MRTFB: variants seen among roughly 807,000 people sequenced by gnomAD.
The protein encoded by MRTFB is myocardin related transcription factor B, also known as myocardin-related transcription factor B.
A neutral mutation model predicts 104.2 loss-of-function variants in MRTFB; 29 were observed. The observed-to-expected ratio is 0.28, with a 90% CI of 0.21 to 0.38. The LOEUF is 0.38. Among genes scored for constraint, MRTFB ranks in the 10% least tolerant of loss-of-function variants. MRTFB has a pLI of 1.00. For synonymous variants in MRTFB, 535 were observed against 519.5 expected, an observed-to-expected ratio of 1.03 and a Z score of -0.41; for missense variants, 1,270 against 1,341.6, an observed-to-expected ratio of 0.95 and a Z score of 0.83.
rs142976736 is a variant in MRTFB at position 14,081,145 on chromosome 16, C to T, written c.-64+1791C>T. ...GTGTTCAAGGGTTTCTTTGTCTCTA[C>T]ATTTTTGCCAGCATTTGTTACCTTT... On this transcript the variant is annotated intron_variant, in intron 2 of 16. Coordinates refer to ENST00000571589, the MANE Select transcript of MRTFB (RefSeq NM_001308142.2). 2.4e-3 allele frequency among the ~76,000 whole-genome samples: 363 copies of T among 152,308 alleles called. 1 individual carries two copies. The highest frequency in any genetic ancestry group is 8.3e-3 in the African/African-American group (346 of 41,570).
the MRTFB span, among the ~76,000 whole-genome samples, chr16:14,017,647 A>ATG: frequency 5.1e-5 from 3 of 58,918 alleles, no homozygotes; most frequent in Admixed American, 2.2e-4. Context: ...ATATGTATAT[A>ATG]TGTGTGTGTG....
intron 3 of MRTFB, among the ~76,000 whole-genome samples, chr16:14,172,070 A>G (rs2039440716): frequency 6.6e-6 from 1 of 152,154 alleles, no homozygotes; most frequent in South Asian, 2.1e-4. Context: ...TAAGGTTCTG[A>G]AAGTCAAAAA....
intron 3 of MRTFB, among the ~76,000 whole-genome samples, chr16:14,184,470 C>T (rs1012320135): frequency 1.3e-5 from 2 of 152,144 alleles, no homozygotes; most frequent in South Asian, 4.1e-4. Context: ...CATTCGCCCA[C>T]CTCGGCCTAC....
the MRTFB span, among the ~76,000 whole-genome samples, chr16:14,003,664 CCCTCCCTTCCTT>C: frequency 2.5e-5 from 2 of 80,228 alleles, no homozygotes; most frequent in African/African-American, 6.0e-5. Context: ...CTCCCTCCCT[CCCTCCCTTCCTT>C]CCTTCCTTCC....
chr16:14,251,720 G>C, intron 13 of MRTFB, 142 bp from the exon 14 acceptor site: 1 of 804,604 alleles, frequency 1.2e-6, no homozygotes, highest in Non-Finnish European at 1.9e-6. Flanking sequence ...ACAGAGGCCA[G>C]GTGACCCACA....
chr16:14,223,504 G>A (rs2041841958), intron 8 of MRTFB, among the ~76,000 whole-genome samples: 1 of 152,018 alleles, frequency 6.6e-6, no homozygotes, highest in African/African-American at 2.4e-5. Context: ...AACTATATAT[G>A]AACAAACTGA....
At chr16:14,045,461 G>A in the MRTFB span, among the ~76,000 whole-genome samples, 1 of 152,184 alleles carries the variant, frequency 6.6e-6, no homozygotes, top group African/African-American at 2.4e-5. Context: ...CTCAGAGAGT[G>A]AAGCCAGCAG....
the MRTFB span, among the ~76,000 whole-genome samples, chr16:14,000,186 A>G: frequency 6.6e-6 from 1 of 152,250 alleles, no homozygotes; most frequent in Non-Finnish European, 1.5e-5. Flanking sequence ...AAGCGCCTGT[A>G]GCAGCACTCG....
chr16:14,050,371 T>C, the MRTFB span, among the ~76,000 whole-genome samples: 1 of 152,284 alleles, frequency 6.6e-6, no homozygotes, highest in African/African-American at 2.4e-5. Context: ...TCAATTTTTT[T>C]CCTCTTTTTT....
chr16:14,008,427 A>G, the MRTFB span, among the ~76,000 whole-genome samples: 2 of 152,010 alleles, frequency 1.3e-5, no homozygotes, highest in South Asian at 4.2e-4. Flanking sequence ...GAATGTAGCT[A>G]CTCCGTTGTC....
At chr16:14,180,890 T>G (rs912388388) in intron 3 of MRTFB, among the ~76,000 whole-genome samples, 1 of 152,176 alleles carries the variant, frequency 6.6e-6, no homozygotes, top group Non-Finnish European at 1.5e-5. Flanking sequence ...TCAGACTGTT[T>G]GGCCCTGTTG....
At chr16:14,106,916 A>G (rs1013713607) in intron 2 of MRTFB, among the ~76,000 whole-genome samples, 4 of 152,200 alleles carry the variant, frequency 2.6e-5, no homozygotes, top group Admixed American at 2.6e-4. Flanking sequence ...AGTGTGCTAA[A>G]TGGCTGCATA....
chr16:14,225,960 G>T (rs183633189), intron 8 of MRTFB, among the ~76,000 whole-genome samples: 51 of 152,258 alleles, frequency 3.3e-4, no homozygotes, highest in Admixed American at 2.0e-3. Context: ...CCTTGCTGTG[G>T]AGGGGCCAAC....
chr16:14,233,595 C>A (rs1398805754), intron 8 of MRTFB, among the ~76,000 whole-genome samples: 1 of 151,936 alleles, frequency 6.6e-6, no homozygotes, highest in East Asian at 1.9e-4. Flanking sequence ...CAAGACCCAG[C>A]CTGGCCAACG....
chr16:14,205,660 C>T (rs1049991860), intron 3 of MRTFB, among the ~76,000 whole-genome samples: 1 of 152,136 alleles, frequency 6.6e-6, no homozygotes, highest in African/African-American at 2.4e-5. Flanking sequence ...AACATGAAGT[C>T]TGTTTATCTT....
intron 3 of MRTFB, chr16:14,152,111 T>C (rs2038643006): frequency 6.6e-6 from 1 of 152,200 alleles, no homozygotes; most frequent in African/African-American, 2.4e-5. Flanking sequence ...TTTGAAGTAA[T>C]AAAACAGTTA....
At chr16:14,175,221 T>C (rs1423265680) in intron 3 of MRTFB, among the ~76,000 whole-genome samples, 1 of 152,200 alleles carries the variant, frequency 6.6e-6, no homozygotes, top group Non-Finnish European at 1.5e-5. Flanking sequence ...TTGAAGAATT[T>C]TGGCATATGT....
intron 9 of MRTFB, among the ~76,000 whole-genome samples, chr16:14,236,164 C>G (rs888866636): frequency 8.0e-5 from 12 of 149,252 alleles, no homozygotes; most frequent in Non-Finnish European, 1.5e-4. Flanking sequence ...CTACTCCAGC[C>G]TGGGTGACAG....
chr16:14,133,404 C>G (rs1274089742), intron 2 of MRTFB, among the ~76,000 whole-genome samples: 1 of 152,190 alleles, frequency 6.6e-6, no homozygotes, highest in African/African-American at 2.4e-5. Flanking sequence ...GAACAGAATT[C>G]CAAATTAGGG....
Sources: gnomAD v4.1 joint callset for allele counts (sites outside exome capture counted in the v4.1 genomes callset) on GRCh38, gnomAD v4.1.1 for gene constraint, MANE v1.5 for transcripts, NCBI Gene and HGNC (gene_info 2026-07-23, HGNC 2026-07-21) for gene names.